The following THSD7A variants were observed in gnomAD, a reference collection of about 807,000 sequenced individuals.
THSD7A encodes the protein thrombospondin type 1 domain containing 7A.
In THSD7A, 96 loss-of-function variants were observed where a neutral mutation model predicts 231.3. The observed-to-expected ratio is 0.41, with a 90% CI of 0.35 to 0.49. The LOEUF (loss-of-function observed/expected upper bound fraction) is 0.49, where lower values mean the gene tolerates loss of function less well. Among genes scored for constraint, THSD7A ranks in the 20% least tolerant of loss-of-function variants. The pLI, the probability that THSD7A is intolerant of heterozygous loss-of-function variation, is 0.05. For missense variants in THSD7A, 2,290 were observed against 2,070.2 expected (o/e 1.11, Z -2.06); for synonymous variants, 940 against 743.3 (o/e 1.26, Z -4.30).
intron 4 of THSD7A, among the ~76,000 whole-genome samples, chr7:11,553,922 A>G (rs1041426076): frequency 6.6e-6 from 1 of 151,972 alleles, no homozygotes; most frequent in African/African-American, 2.4e-5. Flanking sequence ...TACACATACT[A>G]TATAACCTCT....
At chr7:11,769,149 A>ATTTTTTTTTTTTTTTTT (rs1245740094) in intron 1 of THSD7A, among the ~76,000 whole-genome samples, 8 of 36,276 alleles carry the variant, frequency 2.2e-4, no homozygotes, top group Non-Finnish European at 3.1e-4. Context: ...ATATATATAT[A>ATTTTTTTTTTTTTTTTT]TATATTTTTT....
intron 1 of THSD7A, among the ~76,000 whole-genome samples, chr7:11,716,987 A>G (rs564547844): frequency 4.3e-4 from 66 of 151,776 alleles, no homozygotes; most frequent in African/African-American, 1.5e-3. Context: ...TATTATTCCT[A>G]TCATAAACTC....
At chr7:11,674,452 T>C (rs1348972042) in intron 1 of THSD7A, among the ~76,000 whole-genome samples, 1 of 152,134 alleles carries the variant, frequency 6.6e-6, no homozygotes, top group Non-Finnish European at 1.5e-5. Flanking sequence ...AGTGTCTATC[T>C]GCTGGCTCTT....
chr7:11,536,834 T>C (rs1196808549), intron 6 of THSD7A, among the ~76,000 whole-genome samples: 1 of 149,842 alleles, frequency 6.7e-6, no homozygotes, highest in Admixed American at 6.6e-5. Flanking sequence ...CTTTTTCTAT[T>C]CCTGGCATGC....
intron 1 of THSD7A, among the ~76,000 whole-genome samples, chr7:11,794,174 C>T (rs1466285380): frequency 1.3e-5 from 2 of 151,910 alleles, no homozygotes; most frequent in Non-Finnish European, 2.9e-5. Flanking sequence ...TAAGAGAAGT[C>T]TGTGAGGTGA....
At chr7:11,394,599 G>T (rs1474275435) in intron 23 of THSD7A, among the ~76,000 whole-genome samples, 1 of 152,156 alleles carries the variant, frequency 6.6e-6, no homozygotes, top group East Asian at 1.9e-4. Context: ...TGTTGACCAA[G>T]AACCGATCTT....
intron 1 of THSD7A, among the ~76,000 whole-genome samples, chr7:11,795,339 T>A (rs1199475748): frequency 6.6e-6 from 1 of 150,426 alleles, no homozygotes; most frequent in South Asian, 2.1e-4. Context: ...AATATTCTTA[T>A]AACCCCGAGC....
chr7:11,706,294 C>T (rs942217245), intron 1 of THSD7A, among the ~76,000 whole-genome samples: 3 of 150,856 alleles, frequency 2.0e-5, no homozygotes, highest in Non-Finnish European at 4.5e-5. Flanking sequence ...TCTGTGAGTG[C>T]ACACTACACA....
intron 23 of THSD7A, among the ~76,000 whole-genome samples, chr7:11,396,735 A>G (rs1783201978): frequency 6.6e-6 from 1 of 152,158 alleles, no homozygotes; most frequent in African/African-American, 2.4e-5. Flanking sequence ...TTCTGAAACT[A>G]CTCCACACAA....
chr7:11,714,326 T>C (rs11975056), intron 1 of THSD7A, among the ~76,000 whole-genome samples: 65,554 of 150,970 alleles, frequency 0.43, 14,454 homozygotes, highest in South Asian at 0.57. Flanking sequence ...TTAAATTTTA[T>C]GCTCTGTGTT....
At chr7:11,589,057 A>G (rs1469399996) in intron 4 of THSD7A, among the ~76,000 whole-genome samples, 1 of 152,152 alleles carries the variant, frequency 6.6e-6, no homozygotes, top group Non-Finnish European at 1.5e-5. Flanking sequence ...AGGGGCAGAG[A>G]AGCCATCTCT....
chr7:11,457,400 T>C (rs991441680), intron 11 of THSD7A, among the ~76,000 whole-genome samples: 9 of 152,098 alleles, frequency 5.9e-5, no homozygotes, highest in African/African-American at 2.2e-4. Context: ...TTGACTCTTT[T>C]ATTTTTATCT....
chr7:11,747,323 G>A (rs552096118), intron 1 of THSD7A, among the ~76,000 whole-genome samples: 10 of 151,992 alleles, frequency 6.6e-5, no homozygotes, highest in African/African-American at 2.4e-4. Context: ...GGTGCACTTG[G>A]CCTGCTTCTC....
At chr7:11,513,499 T>C (rs114315298) in intron 6 of THSD7A, among the ~76,000 whole-genome samples, 1,745 of 152,222 alleles carry the variant, frequency 0.011, 30 homozygotes, top group African/African-American at 0.04. Context: ...TGCCATCATA[T>C]GGATGGACCT....
At position 11,541,531 on chromosome 7, in the gene THSD7A, C is replaced by T. The variant is rs200478878; in HGVS notation, c.1710G>A (p.Glu570=). 6.2e-7 allele frequency: 1 copy of T among 1,613,832 alleles called. No homozygotes were observed. Among genetic ancestry groups the T allele is most frequent in the African/African-American group, 1.3e-5 (1 of 74,922 alleles). Residue 570 remains glutamate (E), a synonymous_variant, in exon 6 of 28, where the codon GAG becomes GAA. Coordinates refer to ENST00000423059, the MANE Select transcript of THSD7A (RefSeq NM_015204.3). Reference sequence around the variant, plus strand: ...CTGCTTTCCAGTCATAACAGGCAGGCTCTTCACAGGGAATGGCTTCCAGTA... The same window carrying T: ...CTGCTTTCCAGTCATAACAGGCAGGTTCTTCACAGGGAATGGCTTCCAGTA... The part of the protein sequence containing the change: ...PHLLEAIPCE[E]PACYDWKAVR...
At chr7:11,517,723 G>T (rs908807878) in intron 6 of THSD7A, among the ~76,000 whole-genome samples, 19 of 152,170 alleles carry the variant, frequency 1.2e-4, no homozygotes, top group Admixed American at 4.6e-4. Flanking sequence ...GAGATACATA[G>T]AAGATAATTT....
intron 6 of THSD7A, among the ~76,000 whole-genome samples, chr7:11,532,141 C>T (rs1239909719): frequency 6.6e-6 from 1 of 151,794 alleles, no homozygotes; most frequent in African/African-American, 2.4e-5. Flanking sequence ...TGAGAGGACA[C>T]CTGGAGATAA....
At chr7:11,509,208 G>C (rs560188871) in intron 6 of THSD7A, among the ~76,000 whole-genome samples, 181 of 151,952 alleles carry the variant, frequency 1.2e-3, no homozygotes, top group African/African-American at 4.3e-3. Flanking sequence ...ATTCCACTGG[G>C]AACAAAACAG....
At chr7:11,418,693 G>A (rs190236486) in intron 16 of THSD7A, among the ~76,000 whole-genome samples, 24 of 152,254 alleles carry the variant, frequency 1.6e-4, no homozygotes, top group African/African-American at 5.5e-4. Context: ...ACCTTGCTAT[G>A]CAGTGCTGCT....
Sources: gnomAD v4.1 joint callset for allele counts (sites outside exome capture counted in the v4.1 genomes callset) on GRCh38, gnomAD v4.1.1 for gene constraint, MANE v1.5 for transcripts, NCBI Gene and HGNC (gene_info 2026-07-23, HGNC 2026-07-21) for gene names.